FRMPD4: variants seen among roughly 807,000 people sequenced by gnomAD.
FRMPD4 encodes the protein FERM and PDZ domain-containing protein 4.
In FRMPD4, 22 loss-of-function variants were observed where a neutral mutation model predicts 94.1. That is an observed-to-expected ratio of 0.23 (90% CI 0.17 to 0.33). The LOEUF (loss-of-function observed/expected upper bound fraction) is 0.33, where lower values mean the gene tolerates loss of function less well. Ranked by LOEUF, FRMPD4 falls within the 10% of genes least tolerant of loss-of-function variation. The pLI is 1.00. For missense variants in FRMPD4, 1,111 were observed against 1,339.9 expected, an observed-to-expected ratio of 0.83 and a Z score of 2.67; for synonymous variants, 631 against 548.6, an observed-to-expected ratio of 1.15 and a Z score of -2.10.
At chrX:12,041,240 T>C (rs1023323422) in intron 3 of FRMPD4, among the ~76,000 whole-genome samples, 1 of 112,325 alleles carries the variant, frequency 8.9e-6, no homozygotes, top group Non-Finnish European at 1.9e-5. Flanking sequence ...GTCTTTTATA[T>C]ATACACATAT....
At chrX:11,899,229 T>C (rs2053920370) in intron 3 of FRMPD4, among the ~76,000 whole-genome samples, 1 of 111,820 alleles carries the variant, frequency 8.9e-6, no homozygotes. Flanking sequence ...TGTATTTGCT[T>C]CCTTTCAGGA....
intron 1 of FRMPD4, among the ~76,000 whole-genome samples, chrX:12,315,310 A>G (rs1461361026): frequency 1.8e-5 from 2 of 112,241 alleles, no homozygotes; most frequent in Non-Finnish European, 3.8e-5. Flanking sequence ...AAAATTCCAA[A>G]TTTTTCTTTT....
chrX:12,159,846 A>G (rs1214358384), intron 1 of FRMPD4, among the ~76,000 whole-genome samples: 1 of 112,139 alleles, frequency 8.9e-6, no homozygotes, highest in Non-Finnish European at 1.9e-5. Flanking sequence ...CACAAATTGA[A>G]TGGTTAAGAA....
At chrX:11,903,287 T>C (rs903920830) in intron 3 of FRMPD4, among the ~76,000 whole-genome samples, 1 of 112,714 alleles carries the variant, frequency 8.9e-6, no homozygotes, top group African/African-American at 3.2e-5. Context: ...ACTATAATAT[T>C]TTCTATTTTA....
chrX:12,516,703 G>T (rs1340423060), intron 2 of FRMPD4, among the ~76,000 whole-genome samples: 1 of 110,400 alleles, frequency 9.1e-6, no homozygotes, highest in African/African-American at 3.3e-5. Flanking sequence ...TATCTTACTG[G>T]GGTTCTCTAG....
rs2056274386 is a variant in FRMPD4 at position 12,378,589 on chromosome X, A to G, written c.42-120091A>G. On this transcript the variant is annotated intron_variant, in intron 1 of 16. Coordinates refer to ENST00000675598, the MANE Select transcript of FRMPD4 (RefSeq NM_001368397.1). ...ACCCTTGACAGAATCCAGTAATTCA[A>G]AGGTAAACCATGAAGTGTGCGCTGT... Among the ~76,000 whole-genome samples the G allele has an allele frequency of 2.7e-5, 3 of 112,510 alleles. No homozygotes were observed. The South Asian group carries it at 1.1e-3, about 42-fold the overall frequency.
intron 4 of FRMPD4, among the ~76,000 whole-genome samples, chrX:12,645,621 C>CTGG (rs749012487): frequency 1.8e-5 from 2 of 110,510 alleles, no homozygotes; most frequent in South Asian, 7.8e-4. Context: ...TCCCAAAGTG[C>CTGG]TGGGATTACA....
chrX:12,094,961 C>T (rs1460381651), intron 3 of FRMPD4, among the ~76,000 whole-genome samples: 1 of 111,790 alleles, frequency 8.9e-6, no homozygotes, highest in East Asian at 2.8e-4. Context: ...CTCACTCAGT[C>T]ACAGAATTGG....
Position 11,925,706 on chromosome X carries a change from G to A in FRMPD4, c.95+47688G>A, listed in dbSNP as rs759515414. Among the ~76,000 whole-genome samples, 4 of 111,919 alleles carry A rather than the reference G, an allele frequency of 3.6e-5. No individual in the cohort carries two copies. In the East Asian group the frequency reaches 1.1e-3, roughly 31 times the overall value. The stretch of plus-strand genomic sequence containing the variant: ...AATCACGAAGTTCTTTGAAACTAAT[G>A]AGAAAAAAGATACAACATACCAGAA... On this transcript the variant is annotated intron_variant, in intron 3 of 18. Transcript: ENST00000640291.
At chrX:12,033,988 C>T (rs1229975949) in intron 3 of FRMPD4, among the ~76,000 whole-genome samples, 2 of 112,648 alleles carry the variant, frequency 1.8e-5, no homozygotes, top group South Asian at 7.3e-4. Context: ...TAAGCCACGG[C>T]GCCTGGCCAG....
At chrX:12,567,529 A>G (rs1194603962) in intron 2 of FRMPD4, among the ~76,000 whole-genome samples, 1 of 112,660 alleles carries the variant, frequency 8.9e-6, no homozygotes, top group African/African-American at 3.2e-5. Flanking sequence ...AGGCAGATAG[A>G]TAAGAAGATA....
chrX:12,561,585 CAT>C (rs2058660212), intron 2 of FRMPD4, among the ~76,000 whole-genome samples: 1 of 112,402 alleles, frequency 8.9e-6, no homozygotes, highest in Non-Finnish European at 1.9e-5. Flanking sequence ...AAGCTTAAAA[CAT>C]AGTTATCATA....
At chrX:12,251,285 C>T (rs1348108342) in intron 1 of FRMPD4, among the ~76,000 whole-genome samples, 1 of 111,564 alleles carries the variant, frequency 9.0e-6, no homozygotes, top group Non-Finnish European at 1.9e-5. Flanking sequence ...TACCTTCCCT[C>T]TCCATTCAAT....
At chrX:12,037,251 G>A (rs1158671865) in intron 3 of FRMPD4, among the ~76,000 whole-genome samples, 1 of 111,782 alleles carries the variant, frequency 8.9e-6, no homozygotes, top group Non-Finnish European at 1.9e-5. Context: ...GTTTTCTCAT[G>A]AGGATTATAT....
At chrX:11,985,711 C>T (rs2147392106) in intron 3 of FRMPD4, among the ~76,000 whole-genome samples, 1 of 111,278 alleles carries the variant, frequency 9.0e-6, no homozygotes, top group Admixed American at 9.5e-5. Flanking sequence ...TACAGACTGA[C>T]TGAAGAGCTC....
chrX:12,251,331 T>A (rs1418903623), intron 1 of FRMPD4, among the ~76,000 whole-genome samples: 1 of 111,939 alleles, frequency 8.9e-6, no homozygotes, highest in Non-Finnish European at 1.9e-5. Flanking sequence ...TCTTGGTGAT[T>A]CCCCTTGACT....
chrX:12,434,108 T>A (rs1394366295), intron 1 of FRMPD4, among the ~76,000 whole-genome samples: 1 of 111,860 alleles, frequency 8.9e-6, no homozygotes, highest in Non-Finnish European at 1.9e-5. Flanking sequence ...TCAGCTCTAA[T>A]GCTCTACATG....
At chrX:12,427,009 T>C (rs772128646) in intron 1 of FRMPD4, among the ~76,000 whole-genome samples, 4 of 111,555 alleles carry the variant, frequency 3.6e-5, no homozygotes, top group Admixed American at 1.9e-4. Flanking sequence ...ACACTGTAGA[T>C]AGGATGGTGA....
chrX:12,555,090 C>G (rs951813769), intron 2 of FRMPD4, among the ~76,000 whole-genome samples: 1 of 111,738 alleles, frequency 8.9e-6, no homozygotes, highest in Admixed American at 9.5e-5. Context: ...TTCTTCTTCC[C>G]TTTTCTTTTT....
Sources: allele counts gnomAD v4.1 joint callset (sites outside exome capture counted in the v4.1 genomes callset), GRCh38; gene constraint gnomAD v4.1.1; transcripts MANE v1.5; gene names NCBI Gene and HGNC (gene_info 2026-07-23, HGNC 2026-07-21).